MAPKAP1: variants seen among roughly 807,000 people sequenced by gnomAD.
MAPKAP1 encodes the protein MAPK associated protein 1, also known as target of rapamycin complex 2 subunit MAPKAP1.
In MAPKAP1, 20 loss-of-function variants were observed where a neutral mutation model predicts 65.7. The ratio of observed to expected loss-of-function variants is 0.30; its 90% CI spans 0.21 to 0.44. The LOEUF (loss-of-function observed/expected upper bound fraction) is 0.44. Ranked by LOEUF, MAPKAP1 falls within the 20% of genes least tolerant of loss-of-function variation. MAPKAP1 has a pLI of 1.00. For missense variants in MAPKAP1, 423 were observed against 648.0 expected (o/e 0.65, Z 3.77); for synonymous variants, 222 against 244.3 (o/e 0.91, Z 0.85).
At chr9:125,698,282 TATATAA>T (rs1368470183) in intron 1 of MAPKAP1, among the ~76,000 whole-genome samples, 29 of 25,350 alleles carry the variant, frequency 1.1e-3, no homozygotes, top group South Asian at 2.2e-3. Flanking sequence ...ATACATAATA[TATATAA>T]ATATATATAT....
intron 7 of MAPKAP1, among the ~76,000 whole-genome samples, chr9:125,510,271 T>C (rs1829259775): frequency 6.6e-6 from 1 of 152,204 alleles, no homozygotes; most frequent in Non-Finnish European, 1.5e-5. Context: ...TACAAATTAC[T>C]GGCCAATTAT....
chr9:125,497,484 A>G (rs1828841880), intron 8 of MAPKAP1, among the ~76,000 whole-genome samples: 1 of 152,256 alleles, frequency 6.6e-6, no homozygotes, highest in Non-Finnish European at 1.5e-5. Context: ...TGATATTAGC[A>G]AATCACTTCA....
Position 125,678,178 on chromosome 9 carries a change from A to G in MAPKAP1, c.-69-5535T>C, listed in dbSNP as rs534233890. Among the ~76,000 whole-genome samples, 5 of 152,302 alleles carry G rather than the reference A, an allele frequency of 3.3e-5. No individual in the cohort carries two copies. The South Asian group carries it at 8.3e-4, about 25-fold the overall frequency. ...AGCTATCTACCAGCCTTGGCCTCCT[A>G]AAGTGTTGGGATTACAGGCGTGAAC... is the stretch of plus-strand genomic sequence containing the variant. On this transcript the variant is annotated intron_variant, in intron 1 of 11. Transcript: ENST00000265960.
intron 7 of MAPKAP1, among the ~76,000 whole-genome samples, chr9:125,507,669 C>T (rs978771998): frequency 1.3e-5 from 2 of 152,200 alleles, no homozygotes; most frequent in Non-Finnish European, 2.9e-5. Flanking sequence ...TGAATTCTTA[C>T]ATACATTCAG....
At chr9:125,620,739 A>T (rs2131651370) in intron 4 of MAPKAP1, among the ~76,000 whole-genome samples, 1 of 152,348 alleles carries the variant, frequency 6.6e-6, no homozygotes, top group Non-Finnish European at 1.5e-5. Flanking sequence ...TGTTACATGA[A>T]AAAAGCAAGC....
At chr9:125,571,500 A>G (rs1414698302) in intron 5 of MAPKAP1, among the ~76,000 whole-genome samples, 22 of 152,380 alleles carry the variant, frequency 1.4e-4, no homozygotes, top group Admixed American at 9.8e-4. Context: ...CTAATAGAAC[A>G]TAAGTTAACT....
chr9:125,457,486 G>A (rs1853229964), intron 10 of MAPKAP1, among the ~76,000 whole-genome samples: 1 of 152,034 alleles, frequency 6.6e-6, no homozygotes, highest in African/African-American at 2.4e-5. Flanking sequence ...TTGATTGATT[G>A]TTTCCTTGGT....
chr9:125,671,368 T>C (rs899874397), intron 2 of MAPKAP1, among the ~76,000 whole-genome samples: 1 of 152,236 alleles, frequency 6.6e-6, no homozygotes, highest in African/African-American at 2.4e-5. Context: ...TATCCAGCTC[T>C]ACCTCCAATA....
intron 8 of MAPKAP1, among the ~76,000 whole-genome samples, chr9:125,494,914 G>A (rs1854884007): frequency 6.6e-6 from 1 of 152,186 alleles, no homozygotes; most frequent in South Asian, 2.1e-4. Context: ...CACAGTGGCT[G>A]GCCCAGAGGA....
chr9:125,555,398 A>T (rs886228653), intron 6 of MAPKAP1, among the ~76,000 whole-genome samples: 1 of 152,278 alleles, frequency 6.6e-6, no homozygotes, highest in Admixed American at 6.5e-5. Flanking sequence ...GCAAGATACT[A>T]TTGAAGCTGA....
At chr9:125,519,488 C>T (rs1004837691) in intron 7 of MAPKAP1, among the ~76,000 whole-genome samples, 1 of 151,684 alleles carries the variant, frequency 6.6e-6, no homozygotes, top group Non-Finnish European at 1.5e-5. Flanking sequence ...AAAAATTAGC[C>T]TGGTATGGTA....
chr9:125,694,109 A>ACC (rs1835313997), intron 1 of MAPKAP1, among the ~76,000 whole-genome samples: 1 of 151,990 alleles, frequency 6.6e-6, no homozygotes, highest in African/African-American at 2.4e-5. Context: ...CAGGTAGATC[A>ACC]CCTGAGGTCA....
intron 7 of MAPKAP1, among the ~76,000 whole-genome samples, chr9:125,524,594 AT>A (rs1829710965): frequency 1.3e-5 from 2 of 152,266 alleles, no homozygotes; most frequent in Non-Finnish European, 2.9e-5. Flanking sequence ...GGTAAAAGCA[AT>A]GGGAAAAATG....
Position 125,447,048 on chromosome 9 carries a change from T to G in MAPKAP1, c.1346-2450A>C, listed in dbSNP as rs1372577178. 2.6e-5 allele frequency among the ~76,000 whole-genome samples: 4 copies of G among 152,122 alleles called. No homozygotes were observed. Among genetic ancestry groups the G allele is most frequent in the Non-Finnish European group, 5.9e-5 (4 of 68,038 alleles). ...TGACAGAGGGGAGGCCTGTGGTTCATCTGCACAGTCACGTGAAAAAAACAA... is the reference window on the plus strand; with the variant it reads ...TGACAGAGGGGAGGCCTGTGGTTCAGCTGCACAGTCACGTGAAAAAAACAA... On this transcript the variant is annotated intron_variant, in intron 10 of 11. Transcript: ENST00000265960. The surrounding 1 kb of genome is among the most constrained non-coding windows in gnomAD (Gnocchi z 4.5).
At chr9:125,576,341 A>G (rs2793135) in intron 5 of MAPKAP1, among the ~76,000 whole-genome samples, 70,518 of 152,124 alleles carry the variant, frequency 0.46, 18,166 homozygotes, top group Non-Finnish European at 0.57. Flanking sequence ...CTAATGCAAG[A>G]TATTAGTAAC....
intron 6 of MAPKAP1, 145 bp downstream of exon 6, chr9:125,559,488 A>G (rs1830829897): frequency 1.6e-5 from 11 of 686,586 alleles, no homozygotes; most frequent in Non-Finnish European, 2.7e-5. Context: ...TGTCGTCCTC[A>G]GCATCTCTCT....
chr9:125,656,251 T>C (rs1834028977), intron 4 of MAPKAP1, among the ~76,000 whole-genome samples: 1 of 152,136 alleles, frequency 6.6e-6, no homozygotes, highest in Admixed American at 6.6e-5. Flanking sequence ...TCCTATGTAG[T>C]CCAACTCGCC....
In MAPKAP1 at chr9:125,585,711, G is replaced by C; in HGVS notation, c.515C>G (p.Thr172Arg). The C allele has an allele frequency of 6.2e-7, 1 of 1,614,184 alleles. No individual in the cohort carries two copies. Among genetic ancestry groups the C allele is most frequent in the Non-Finnish European group, 8.5e-7 (1 of 1,180,042 alleles). Residue 172 changes from threonine (T) to arginine (R), a missense_variant, in exon 5 of 12, where the codon ACA becomes AGA. By Grantham distance (71) the Thr-to-Arg change is moderately conservative. Coordinates refer to ENST00000265960, the MANE Select transcript of MAPKAP1 (RefSeq NM_001006617.3). Reference protein sequence around the residue: ...KFDGKGHVGTTATKKIDVYLP... With the variant: ...KFDGKGHVGTRATKKIDVYLP... ...GTAGACATCGATCTTCTTGGTTGCTGTTGTACCTACATGACCCTGTGGACA... is the reference window on the plus strand; with the variant it reads ...GTAGACATCGATCTTCTTGGTTGCTCTTGTACCTACATGACCCTGTGGACA...
intron 7 of MAPKAP1, among the ~76,000 whole-genome samples, chr9:125,539,175 G>A (rs1160107084): frequency 1.3e-5 from 2 of 152,176 alleles, no homozygotes; most frequent in South Asian, 2.1e-4. Context: ...CAAGTTCTAC[G>A]TGAAATTTTA....
Sources: allele counts gnomAD v4.1 joint callset (sites outside exome capture counted in the v4.1 genomes callset), GRCh38; gene constraint gnomAD v4.1.1; non-coding constraint Gnocchi (gnomAD v3.1); transcripts MANE v1.5; gene names NCBI Gene and HGNC (gene_info 2026-07-23, HGNC 2026-07-21).